CMC1: variants seen among roughly 807,000 people sequenced by gnomAD.
CMC1 encodes COX assembly mitochondrial protein homolog.
Under a neutral mutation model 14.1 loss-of-function variants are expected in CMC1, and 14 were observed. The ratio of observed to expected loss-of-function variants is 0.99; its 90% CI spans 0.66 to 1.55. The LOEUF (loss-of-function observed/expected upper bound fraction) is 1.55. CMC1 is among the 40% of genes most tolerant of loss of function. The pLI is 0.00. For synonymous variants in CMC1, 50 were observed against 38.4 expected (o/e 1.30, Z -1.12); for missense variants, 127 against 123.8 (o/e 1.03, Z -0.12).
intron 1 of CMC1, among the ~76,000 whole-genome samples, chr3:28,247,363 G>A (rs1315586109): frequency 6.6e-6 from 1 of 152,164 alleles, no homozygotes; most frequent in Non-Finnish European, 1.5e-5. Flanking sequence ...TAGGAGACGG[G>A]AGGGGAAAAA....
chr3:28,267,731 A>G (rs1176523111), intron 2 of CMC1, among the ~76,000 whole-genome samples: 3 of 152,232 alleles, frequency 2.0e-5, no homozygotes, highest in Non-Finnish European at 4.4e-5. Context: ...ATTTTGTGAA[A>G]TTCCAAAGAT....
At chr3:28,252,501 T>C (rs1699180899) in intron 1 of CMC1, among the ~76,000 whole-genome samples, 1 of 152,236 alleles carries the variant, frequency 6.6e-6, no homozygotes, top group African/African-American at 2.4e-5. Context: ...CCCTTGCTTT[T>C]AAAAATATTT....
At chr3:28,314,470 T>C (rs1559447534) in intron 2 of CMC1, among the ~76,000 whole-genome samples, 1 of 152,188 alleles carries the variant, frequency 6.6e-6, no homozygotes, top group Non-Finnish European at 1.5e-5. Context: ...ATAAAGAAGA[T>C]ACTTGATTAC....
chr3:28,280,764 A>C (rs1461557647), intron 2 of CMC1, among the ~76,000 whole-genome samples: 2 of 152,234 alleles, frequency 1.3e-5, no homozygotes, highest in African/African-American at 2.4e-5. Context: ...ATTATGGTAC[A>C]GCCATAGGAT....
chr3:28,311,329 A>G (rs1231525097), intron 2 of CMC1, among the ~76,000 whole-genome samples: 1 of 152,166 alleles, frequency 6.6e-6, no homozygotes, highest in Non-Finnish European at 1.5e-5. Context: ...TCTTTCCAAA[A>G]GCCAAACTAC....
intron 2 of CMC1, among the ~76,000 whole-genome samples, chr3:28,309,427 A>C (rs1450958161): frequency 6.6e-6 from 1 of 152,092 alleles, no homozygotes; most frequent in East Asian, 1.9e-4. Flanking sequence ...TTAAGTCATC[A>C]ACCTGGGCCA....
intron 1 of CMC1, among the ~76,000 whole-genome samples, chr3:28,244,974 G>A (rs937752971): frequency 8.3e-5 from 11 of 131,758 alleles, no homozygotes; most frequent in East Asian, 2.1e-4. Flanking sequence ...TTTTAATTTC[G>A]TGTTTATTTG....
chr3:28,268,062 G>A (rs914391791), intron 2 of CMC1, among the ~76,000 whole-genome samples: 6 of 152,074 alleles, frequency 3.9e-5, no homozygotes, highest in East Asian at 3.9e-4. Context: ...AATAATCACC[G>A]CATATGATGA....
intron 1 of CMC1, among the ~76,000 whole-genome samples, chr3:28,249,942 G>A (rs1259222364): frequency 6.6e-6 from 1 of 152,170 alleles, no homozygotes; most frequent in African/African-American, 2.4e-5. Flanking sequence ...CAGTGAGCGG[G>A]GAGGGATGGG....
intron 1 of CMC1, among the ~76,000 whole-genome samples, chr3:28,252,655 C>G (rs1037459833): frequency 3.3e-5 from 5 of 152,182 alleles, no homozygotes; most frequent in Non-Finnish European, 7.3e-5. Context: ...TTCCCTGCTT[C>G]AGCATAACTG....
chr3:28,317,148 A>G (rs558220392), intron 3 of CMC1: 1 of 152,104 alleles, frequency 6.6e-6, no homozygotes, highest in African/African-American at 2.4e-5. Flanking sequence ...TCAGTATGGT[A>G]TGTATCTTAG....
intron 2 of CMC1, among the ~76,000 whole-genome samples, chr3:28,269,246 C>A (rs980336214): frequency 6.6e-6 from 1 of 152,184 alleles, no homozygotes; most frequent in Non-Finnish European, 1.5e-5. Context: ...TTATTACTTA[C>A]TGATCCAGTG....
intron 2 of CMC1, among the ~76,000 whole-genome samples, chr3:28,279,055 C>T (rs1467485510): frequency 6.6e-6 from 1 of 152,132 alleles, no homozygotes; most frequent in African/African-American, 2.4e-5. Flanking sequence ...AGCTCCATTG[C>T]ACAATTCCTT....
chr3:28,311,839 C>G (rs910584556), intron 2 of CMC1, among the ~76,000 whole-genome samples: 7 of 152,188 alleles, frequency 4.6e-5, no homozygotes, highest in African/African-American at 1.7e-4. Context: ...GCACTTAGAC[C>G]CTCTTTCAAA....
chr3:28,270,381 G>A (rs1700220380), intron 2 of CMC1, among the ~76,000 whole-genome samples: 1 of 152,146 alleles, frequency 6.6e-6, no homozygotes, highest in African/African-American at 2.4e-5. Flanking sequence ...CACCAACAGT[G>A]TAAAAGTGTT....
intron 2 of CMC1, among the ~76,000 whole-genome samples, chr3:28,297,753 C>G (rs551632409): frequency 1.3e-5 from 2 of 151,932 alleles, no homozygotes; most frequent in Non-Finnish European, 2.9e-5. Flanking sequence ...ATCCTCAGAT[C>G]TGATGATTCT....
rs375156385 is a variant in CMC1, at chr3:28,298,957, A to C, written c.110-17376A>C. Among the ~76,000 whole-genome samples, 11 of 152,224 alleles carry C rather than the reference A, an allele frequency of 7.2e-5. 1 individual carries two copies. The East Asian group carries it at 2.1e-3, about 29-fold the overall frequency. On this transcript the variant is annotated intron_variant, in intron 2 of 3. Transcript: ENST00000466830. ...GGAGCTGTTTCTTTACCTACCTTAC[A>C]AATATCTGTGCCTGAAACAAGCCTC...
chr3:28,286,163 T>C (rs1701171033), intron 2 of CMC1, among the ~76,000 whole-genome samples: 1 of 152,216 alleles, frequency 6.6e-6, no homozygotes, highest in Non-Finnish European at 1.5e-5. Context: ...TAAGATATCA[T>C]TGTTGGCCTT....
intron 2 of CMC1, among the ~76,000 whole-genome samples, chr3:28,264,257 TC>T (rs1699891327): frequency 6.6e-6 from 1 of 152,202 alleles, no homozygotes. Context: ...GGGCTGCACT[TC>T]CACTGCAAGC....
Sources: allele counts gnomAD v4.1 joint callset (sites outside exome capture counted in the v4.1 genomes callset), GRCh38; gene constraint gnomAD v4.1.1; transcripts MANE v1.5; gene names NCBI Gene and HGNC (gene_info 2026-07-23, HGNC 2026-07-21).